Variants in FAM13A observed in about 807,000 individuals in gnomAD.
The protein encoded by FAM13A is protein FAM13A.
FAM13A carries 76 observed loss-of-function variants against 129.6 expected under a neutral mutation model. The ratio of observed to expected loss-of-function variants is 0.59; its 90% CI spans 0.49 to 0.71. The LOEUF is 0.71. FAM13A is among the 30% of genes least tolerant of loss of function. The probability of loss-of-function intolerance (pLI) is 0.00; values close to 1 mark genes in which losing one functional copy is unlikely to be tolerated. For synonymous variants in FAM13A, 443 were observed against 449.9 expected (o/e 0.98, Z 0.20); for missense variants, 1,108 against 1,249.3 (o/e 0.89, Z 1.70).
intron 5 of FAM13A, among the ~76,000 whole-genome samples, chr4:88,922,325 A>G (rs1751258602): frequency 6.6e-6 from 1 of 152,084 alleles, no homozygotes; most frequent in South Asian, 2.1e-4. Context: ...AGCAAATGTA[A>G]AAGATCAGAC....
chr4:89,039,471 G>T (rs545275822), intron 1 of FAM13A, among the ~76,000 whole-genome samples: 1 of 152,260 alleles, frequency 6.6e-6, no homozygotes, highest in Admixed American at 6.5e-5. Flanking sequence ...CAACAAATGT[G>T]CCACACCAAT....
At chr4:88,968,497 T>A (rs1329601402) in intron 4 of FAM13A, among the ~76,000 whole-genome samples, 1 of 152,250 alleles carries the variant, frequency 6.6e-6, no homozygotes, top group Non-Finnish European at 1.5e-5. Context: ...AATTACTTAC[T>A]CTACAATGAT....
chr4:88,790,533 G>T, intron 9 of FAM13A, 53 bp downstream of exon 9: 2 of 1,284,966 alleles, frequency 1.6e-6, no homozygotes, highest in Non-Finnish European at 2.2e-6. Context: ...AAGTGGGACA[G>T]GGCATTAAAA....
intron 3 of FAM13A, among the ~76,000 whole-genome samples, chr4:89,016,912 G>C (rs1402494708): frequency 6.6e-6 from 1 of 152,200 alleles, no homozygotes; most frequent in Non-Finnish European, 1.5e-5. Flanking sequence ...TGGGTTACAG[G>C]CATAAGCCAC....
intron 6 of FAM13A, among the ~76,000 whole-genome samples, chr4:88,857,510 TACCAGCTACTCAG>T (rs1407784198): frequency 6.7e-6 from 1 of 150,194 alleles, no homozygotes; most frequent in Non-Finnish European, 1.5e-5. Context: ...ATGCCTGCAA[TACCAGCTACTCAG>T]GAGGCTGAGG....
intron 5 of FAM13A, among the ~76,000 whole-genome samples, chr4:88,913,502 GGAAGAGGAAGAAGAGGAGGAGGAGGAA>G (rs1749535348): frequency 2.2e-5 from 3 of 139,528 alleles, no homozygotes; most frequent in East Asian, 2.1e-4. Context: ...AGGAGGAAGA[GGAAGAGGAAGAAGAGGAGGAGGAGGAA>G]GAAGAGGAAG....
chr4:89,008,054 A>G (rs1312256199), intron 3 of FAM13A, among the ~76,000 whole-genome samples: 1 of 99,518 alleles, frequency 1.0e-5, no homozygotes, highest in Non-Finnish European at 2.0e-5. Flanking sequence ...TTCACTAGAC[A>G]TTAAGGATTT....
rs185950814 is a variant in FAM13A at position 88,852,935 on chromosome 4, T to C, written c.844-1752A>G. Among the ~76,000 whole-genome samples the C allele has an allele frequency of 1.5e-3, 227 of 152,300 alleles. 2 individuals are homozygous for C. The highest frequency in any genetic ancestry group is 5.0e-3 in the African/African-American group (206 of 41,590). On this transcript the variant is annotated intron_variant, in intron 6 of 23. Transcript: ENST00000264344. ...ATGACTTGTCAACTAAAAATAACATTAATTTACAAAACCAAACAACACACG... is the reference window on the plus strand; with the variant it reads ...ATGACTTGTCAACTAAAAATAACATCAATTTACAAAACCAAACAACACACG...
At chr4:88,925,974 C>T (rs1387210571) in intron 5 of FAM13A, among the ~76,000 whole-genome samples, 1 of 151,914 alleles carries the variant, frequency 6.6e-6, no homozygotes, top group African/African-American at 2.4e-5. Context: ...TAACCAGAAG[C>T]AGAACTTGCT....
At chr4:88,859,958 T>C (rs1739218300) in intron 6 of FAM13A, among the ~76,000 whole-genome samples, 1 of 152,186 alleles carries the variant, frequency 6.6e-6, no homozygotes, top group South Asian at 2.1e-4. Context: ...ATATTCAAAA[T>C]ACTATTTTCC....
intron 1 of FAM13A, among the ~76,000 whole-genome samples, chr4:89,031,428 G>A (rs561815227): frequency 6.6e-6 from 1 of 152,216 alleles, no homozygotes; most frequent in African/African-American, 2.4e-5. Context: ...ACTCTTATTA[G>A]CTATAACCTT....
chr4:88,823,457 G>A, intron 7 of FAM13A: 1 of 372,050 alleles, frequency 2.7e-6, no homozygotes, highest in Non-Finnish European at 3.8e-6. Context: ...ACTTTCCTCT[G>A]AGCAGTTCCA....
At chr4:89,003,106 C>T (rs939517316) in intron 3 of FAM13A, among the ~76,000 whole-genome samples, 3 of 151,944 alleles carry the variant, frequency 2.0e-5, no homozygotes, top group South Asian at 2.1e-4. Context: ...AAAAAGACTC[C>T]AGGAAATAGC....
intron 6 of FAM13A, among the ~76,000 whole-genome samples, chr4:88,869,399 C>G (rs531598573): frequency 1.3e-5 from 2 of 152,328 alleles, no homozygotes; most frequent in African/African-American, 4.8e-5. Context: ...GCTTCTTTCA[C>G]TGGGCTTCAG....
At chr4:89,051,125 G>A (rs1397042228) in intron 1 of FAM13A, among the ~76,000 whole-genome samples, 2 of 152,178 alleles carry the variant, frequency 1.3e-5, no homozygotes, top group Non-Finnish European at 2.9e-5. Context: ...TGTTCAGACT[G>A]CTACAACAAA....
chr4:88,796,955 CA>C (rs1231740033), intron 8 of FAM13A, among the ~76,000 whole-genome samples: 1 of 151,810 alleles, frequency 6.6e-6, no homozygotes, highest in African/African-American at 2.4e-5. Context: ...AAAAATATGG[CA>C]AAAAGTGCAA....
chr4:88,793,434 A>G (rs1036838437), intron 8 of FAM13A, among the ~76,000 whole-genome samples: 4 of 152,092 alleles, frequency 2.6e-5, no homozygotes, highest in African/African-American at 9.6e-5. Flanking sequence ...CAGTTTTAGA[A>G]TAAAGTGTGA....
chr4:88,888,083 T>C (rs563785432), intron 6 of FAM13A, among the ~76,000 whole-genome samples: 339 of 152,318 alleles, frequency 2.2e-3, no homozygotes, highest in Non-Finnish European at 3.9e-3. Context: ...GACTGGTCTA[T>C]CAACTCTGCT....
chr4:89,033,294 G>T (rs777378553), intron 1 of FAM13A, among the ~76,000 whole-genome samples: 13 of 152,132 alleles, frequency 8.5e-5, no homozygotes, highest in Non-Finnish European at 1.5e-4. Flanking sequence ...GCCAGTCAGG[G>T]CTGCCAATAC....
Sources: gnomAD v4.1 joint callset for allele counts (sites outside exome capture counted in the v4.1 genomes callset) on GRCh38, gnomAD v4.1.1 for gene constraint, MANE v1.5 for transcripts, NCBI Gene and HGNC (gene_info 2026-07-23, HGNC 2026-07-21) for gene names.